The following WAPL variants were observed in gnomAD, a reference collection of about 807,000 sequenced individuals.
The protein encoded by WAPL is wings apart-like protein homolog.
Under a neutral mutation model 121.0 loss-of-function variants are expected in WAPL, and 5 were observed. That is an observed-to-expected ratio of 0.04 (90% confidence interval 0.02 to 0.09). WAPL has a LOEUF of 0.09. WAPL is among the 10% of genes least tolerant of loss of function. WAPL has a pLI of 1.00. For synonymous variants in WAPL, 480 were observed against 481.5 expected (o/e 1.00, Z 0.04); for missense variants, 999 against 1,410.8 (o/e 0.71, Z 4.68).
Position 86,473,886 on chromosome 10 carries a change from T to G in WAPL, c.1732A>C (p.Ser578Arg), listed in dbSNP as rs1292510497. Residue 578 changes from serine to arginine, a missense_variant, in exon 5 of 19, where the codon AGT (serine) becomes CGT (arginine). Around this residue, in one of 7 missense-constraint regions of WAPL, gnomAD observed 74 missense variants for 115.1 expected, o/e 0.64. Coordinates refer to ENST00000298767, the MANE Select transcript of WAPL (RefSeq NM_015045.5). ...LPGPPVVKPQSVTVRLSSKEP... is the reference protein window; with the variant it reads ...LPGPPVVKPQRVTVRLSSKEP... ...AAGTACAGTTCACTTACTGTGACAC[T>G]CTGAGGTTTTACTACTGGTGGCCCA... The G allele has an allele frequency of 1.7e-5, 28 of 1,612,862 alleles. No individual in the cohort carries two copies. Among genetic ancestry groups the G allele is most frequent in the Middle Eastern group, 1.7e-4 (1 of 6,058 alleles).
Position 86,441,204 on chromosome 10 carries a change from C to T in WAPL, c.3411+2071G>A, listed in dbSNP as rs115355471. Among the ~76,000 whole-genome samples, 1,223 of 152,214 alleles carry T rather than the reference C, an allele frequency of 8.0e-3. 14 individuals carry two copies. The highest frequency in any genetic ancestry group is 0.027 in the African/African-American group (1,116 of 41,516). ...ACACTTAAAAATAATCCACCTATGC[C>T]CAACCCCCCATCTGAAAGAGAACAC... On this transcript the variant is annotated intron_variant, in intron 17 of 18. Coordinates refer to ENST00000298767, the MANE Select transcript of WAPL (RefSeq NM_015045.5).
intron 8 of WAPL, among the ~76,000 whole-genome samples, chr10:86,468,516 A>G (rs1564571068): frequency 6.6e-6 from 1 of 152,200 alleles, no homozygotes; most frequent in Non-Finnish European, 1.5e-5. Flanking sequence ...ATGATACAGC[A>G]GATAGTCATA....
intron 2 of WAPL, among the ~76,000 whole-genome samples, chr10:86,512,504 C>CAAGAG (rs1842484046): frequency 6.6e-6 from 1 of 152,178 alleles, no homozygotes; most frequent in African/African-American, 2.4e-5. Context: ...GCATAAAAGG[C>CAAGAG]AAGAGAAGCC....
At chr10:86,476,646 G>T (rs574540952) in intron 4 of WAPL, among the ~76,000 whole-genome samples, 3 of 149,894 alleles carry the variant, frequency 2.0e-5, no homozygotes, top group African/African-American at 7.4e-5. Flanking sequence ...CCGAGATTGC[G>T]CCACTGCACT....
chr10:86,452,589 C>T (rs748485842), intron 14 of WAPL, among the ~76,000 whole-genome samples: 88 of 151,726 alleles, frequency 5.8e-4, no homozygotes, highest in Middle Eastern at 3.4e-3. Flanking sequence ...GAGTGAGACT[C>T]CATCTCAAAA....
intron 12 of WAPL, among the ~76,000 whole-genome samples, chr10:86,455,701 G>GA (rs1841128136): frequency 9.1e-6 from 1 of 109,820 alleles, no homozygotes; most frequent in Non-Finnish European, 2.0e-5. Flanking sequence ...AAAAAAGAAA[G>GA]AAAGAAAAAA....
In WAPL at chr10:86,497,203, G is replaced by A. The variant is rs772528239; in HGVS notation, c.1642C>T (p.Arg548Trp). 5.6e-6 allele frequency: 9 copies of A among 1,608,662 alleles called. No homozygotes were observed. Among genetic ancestry groups the A allele is most frequent in the Admixed American group, 1.7e-5 (1 of 59,546 alleles). ...ATCACTGACAGTGCTTTACTTACCC[G>A]TTTGGGGCCACTAAAAATCTTTCTG... ...NTRKIFSGPK[R>W]SPTKAVYNAR... Residue 548 changes from arginine to tryptophan, a missense_variant and splice_region_variant, in exon 4 of 19, where the codon CGG becomes TGG. By Grantham distance (101) the Arg-to-Trp change is moderately radical (BLOSUM62 -3). This residue lies in a region of WAPL where 74 missense variants were observed against 115.1 expected (regional missense o/e 0.64). Coordinates refer to ENST00000298767, the MANE Select transcript of WAPL (RefSeq NM_015045.5).
intron 4 of WAPL, among the ~76,000 whole-genome samples, chr10:86,492,572 T>C (rs1038597239): frequency 6.6e-6 from 1 of 152,100 alleles, no homozygotes; most frequent in African/African-American, 2.4e-5. Context: ...TCATACACAA[T>C]GCAACCGGTG....
chr10:86,467,056 T>G, intron 9 of WAPL: 5 of 482,626 alleles, frequency 1.0e-5, no homozygotes, highest in Non-Finnish European at 1.9e-5. Flanking sequence ...CAACAGAAAA[T>G]GTGCAACTAT....
At chr10:86,511,487 T>C (rs544241706) in intron 2 of WAPL, among the ~76,000 whole-genome samples, 18 of 152,208 alleles carry the variant, frequency 1.2e-4, no homozygotes, top group Non-Finnish European at 2.2e-4. Context: ...CAGCACTGTA[T>C]GAAAAGAACA....
chr10:86,457,202 A>G (rs772936649), intron 12 of WAPL, among the ~76,000 whole-genome samples: 7 of 152,134 alleles, frequency 4.6e-5, no homozygotes, highest in Non-Finnish European at 1.0e-4. Context: ...AAGAGCACTA[A>G]ATACAGGCAA....
chr10:86,473,472 CA>C (rs1841580806), intron 5 of WAPL, among the ~76,000 whole-genome samples: 1 of 152,126 alleles, frequency 6.6e-6, no homozygotes, highest in Non-Finnish European at 1.5e-5. Context: ...TACTAGAATA[CA>C]GGAAGAGATT....
chr10:86,437,477 A>G lies in WAPL; in HGVS notation c.*66T>C. 1 of 1,534,954 alleles carries G rather than the reference A, an allele frequency of 6.5e-7. No individual in the cohort carries two copies. The highest frequency in any genetic ancestry group is 8.9e-7 in the Non-Finnish European group (1 of 1,123,850). ...TATATCTTCAAGGACTTCTTTCATG[A>G]CTTGACTTTTCTTTGTCTAAGGATA... On this transcript the variant is annotated 3_prime_UTR_variant, in exon 19 of 19. Transcript: ENST00000298767.
intron 12 of WAPL, among the ~76,000 whole-genome samples, chr10:86,458,691 T>C (rs1404101656): frequency 6.6e-6 from 1 of 151,016 alleles, no homozygotes; most frequent in Non-Finnish European, 1.5e-5. Flanking sequence ...AATTAACTCA[T>C]TTTACTGTAA....
intron 13 of WAPL, 46 bp from the exon 14 acceptor site, chr10:86,453,381 T>C (rs754628606): frequency 1.3e-6 from 2 of 1,567,150 alleles, no homozygotes; most frequent in Non-Finnish European, 1.8e-6. Context: ...GATTCTTCCT[T>C]AGAACACTAA....
chr10:86,439,296 A>T (rs1177311174), intron 17 of WAPL, among the ~76,000 whole-genome samples: 1 of 152,246 alleles, frequency 6.6e-6, no homozygotes, highest in Non-Finnish European at 1.5e-5. Flanking sequence ...TGCTGAAGAT[A>T]TCAGTTACAC....
intron 4 of WAPL, among the ~76,000 whole-genome samples, chr10:86,474,844 A>G (rs1163581338): frequency 1.3e-5 from 2 of 152,264 alleles, no homozygotes; most frequent in Non-Finnish European, 2.9e-5. Flanking sequence ...ATGGGAATCC[A>G]GCAGTTTATG....
intron 2 of WAPL, among the ~76,000 whole-genome samples, chr10:86,510,210 G>C (rs1842434101): frequency 6.6e-6 from 1 of 151,240 alleles, no homozygotes; most frequent in South Asian, 2.1e-4. Context: ...GAGTACCTGG[G>C]ATTATAGGCA....
intron 3 of WAPL, 83 bp downstream of exon 3, chr10:86,499,635 T>C: frequency 7.1e-7 from 1 of 1,401,880 alleles, no homozygotes; most frequent in Non-Finnish European, 9.6e-7. Context: ...ATGGTTGACC[T>C]TGGGTAATTG....
Sources: allele counts gnomAD v4.1 joint callset (sites outside exome capture counted in the v4.1 genomes callset), GRCh38; gene constraint gnomAD v4.1.1; regional missense constraint gnomAD v4.1.1; transcripts MANE v1.5; gene names NCBI Gene and HGNC (gene_info 2026-07-23, HGNC 2026-07-21).